Variants in TNNI3K observed in about 807,000 individuals in gnomAD.
TNNI3K encodes the protein serine/threonine-protein kinase TNNI3K.
Under a neutral mutation model 114.5 loss-of-function variants are expected in TNNI3K, and 140 were observed. That is an observed-to-expected ratio of 1.22 (90% confidence interval 1.07 to 1.41). TNNI3K has a LOEUF of 1.41. TNNI3K is among the 40% of genes most tolerant of loss of function. The pLI is 0.00. For synonymous variants in TNNI3K, 347 were observed against 347.5 expected (o/e 1.00, Z 0.02); for missense variants, 1,125 against 1,007.6 (o/e 1.12, Z -1.58).
At chr1:74,492,635 A>C (rs1415367090) in intron 23 of TNNI3K, among the ~76,000 whole-genome samples, 2 of 152,196 alleles carry the variant, frequency 1.3e-5, no homozygotes, top group East Asian at 3.9e-4. Context: ...GCGTTCTAAG[A>C]ATTACCATAT....
At chr1:74,475,474 A>C in intron 21 of TNNI3K, 1 of 716,998 alleles carries the variant, frequency 1.4e-6, no homozygotes, top group Non-Finnish European at 2.6e-6. Context: ...ATCCTGGCAA[A>C]ATAAAGTGCT....
At chr1:74,354,671 T>C (rs1231296274) in intron 11 of TNNI3K, among the ~76,000 whole-genome samples, 4 of 152,182 alleles carry the variant, frequency 2.6e-5, no homozygotes, top group Admixed American at 1.3e-4. Flanking sequence ...AACAACTGGG[T>C]TTAAATCAAG....
intron 23 of TNNI3K, among the ~76,000 whole-genome samples, chr1:74,505,770 T>A (rs1201240315): frequency 6.6e-6 from 1 of 152,052 alleles, no homozygotes; most frequent in African/African-American, 2.4e-5. Context: ...ACTAACGAAA[T>A]CTGAAAAAAT....
chr1:74,495,855 A>G (rs274606), intron 23 of TNNI3K, among the ~76,000 whole-genome samples: 102,059 of 152,068 alleles, frequency 0.67, 35,835 homozygotes, highest in African/African-American at 0.88. Context: ...AATAACTTCG[A>G]CTATTTCTCC....
chr1:74,435,490 G>A (rs534548783), intron 17 of TNNI3K, among the ~76,000 whole-genome samples: 4 of 151,984 alleles, frequency 2.6e-5, no homozygotes, highest in Admixed American at 2.6e-4. Context: ...ATTCTTGGTT[G>A]AAGGGGGACT....
chr1:74,488,854 T>C (rs1156385529), intron 21 of TNNI3K, among the ~76,000 whole-genome samples: 1 of 152,224 alleles, frequency 6.6e-6, no homozygotes, highest in East Asian at 1.9e-4. Flanking sequence ...ACTGAGATAG[T>C]TAATAGTTTT....
chr1:74,445,737 A>G (rs1375909251), intron 20 of TNNI3K, among the ~76,000 whole-genome samples: 1 of 150,018 alleles, frequency 6.7e-6, no homozygotes, highest in African/African-American at 2.5e-5. Flanking sequence ...CAGCCTCCCA[A>G]GTAGCTGGGA....
intron 23 of TNNI3K, among the ~76,000 whole-genome samples, chr1:74,531,658 A>G (rs1265835757): frequency 6.6e-6 from 1 of 152,218 alleles, no homozygotes; most frequent in African/African-American, 2.4e-5. Context: ...TAGGCATTTC[A>G]GCAAGCTGTT....
chr1:74,280,300 C>T (rs1343563318), intron 5 of TNNI3K, among the ~76,000 whole-genome samples: 3 of 151,676 alleles, frequency 2.0e-5, no homozygotes, highest in African/African-American at 7.3e-5. Context: ...GAGAATGGTG[C>T]GAACCTGGGA....
intron 23 of TNNI3K, among the ~76,000 whole-genome samples, chr1:74,533,318 C>T (rs1305572592): frequency 3.9e-5 from 6 of 152,114 alleles, no homozygotes; most frequent in African/African-American, 9.7e-5. Context: ...AAAATGCTCA[C>T]CATCACTGGC....
At chr1:74,239,846 C>A in intron 2 of TNNI3K, 1 of 431,856 alleles carries the variant, frequency 2.3e-6, no homozygotes, top group Non-Finnish European at 4.8e-6. Context: ...CAATTTATAG[C>A]AGCTTTGGAA....
At chr1:74,396,410 G>A (rs2100580561) in intron 17 of TNNI3K, among the ~76,000 whole-genome samples, 1 of 152,314 alleles carries the variant, frequency 6.6e-6, no homozygotes, top group East Asian at 1.9e-4. Flanking sequence ...AAAAAGTACT[G>A]AGGTTAGGAA....
chr1:74,470,063 C>T (rs1002945706), intron 21 of TNNI3K: 5 of 400,652 alleles, frequency 1.2e-5, no homozygotes, highest in East Asian at 1.1e-4. Flanking sequence ...ACTGTCATTG[C>T]GCCTTCTTTA....
chr1:74,251,884 C>G (rs552290510), intron 4 of TNNI3K, among the ~76,000 whole-genome samples: 1 of 152,266 alleles, frequency 6.6e-6, no homozygotes, highest in South Asian at 2.1e-4. Flanking sequence ...CTTCTAATTC[C>G]TTCTGGGAGA....
intron 21 of TNNI3K, among the ~76,000 whole-genome samples, chr1:74,488,444 G>A (rs1482047211): frequency 1.3e-5 from 2 of 152,172 alleles, no homozygotes; most frequent in African/African-American, 4.8e-5. Context: ...CCTCCTGGCA[G>A]TGAAAGTTTC....
chr1:74,491,042 G>T lies in TNNI3K; in HGVS notation c.2182-1055G>T, dbSNP rs148872114. Among the ~76,000 whole-genome samples, 13 of 152,200 alleles carry T rather than the reference G, an allele frequency of 8.5e-5. No homozygotes were observed. In the East Asian group the frequency reaches 2.5e-3, roughly 29 times the overall value. On this transcript the variant is annotated intron_variant, in intron 22 of 24. Transcript: ENST00000326637. The stretch of plus-strand genomic sequence containing the variant: ...TAGTCTTGTTCTGAAATGGCAAAGT[G>T]GTATCCAGTTGTGTCTGTGAGCCTT...
intron 15 of TNNI3K, 37 bp from the exon 16 acceptor site, chr1:74,369,354 C>G: frequency 6.2e-7 from 1 of 1,606,716 alleles, no homozygotes; most frequent in South Asian, 1.1e-5. Context: ...TTGGATCCAT[C>G]TGTTTACTGA....
At chr1:74,502,029 C>G (rs1021645739) in intron 23 of TNNI3K, among the ~76,000 whole-genome samples, 1 of 152,074 alleles carries the variant, frequency 6.6e-6, no homozygotes, top group Admixed American at 6.5e-5. Context: ...TGGCTTTATA[C>G]AGGTGTTTCT....
At chr1:74,518,210 G>A (rs1167992739) in intron 23 of TNNI3K, among the ~76,000 whole-genome samples, 1 of 151,954 alleles carries the variant, frequency 6.6e-6, no homozygotes, top group Non-Finnish European at 1.5e-5. Context: ...GATCAATGGA[G>A]GAAAAAAGAG....
Sources: gnomAD v4.1 joint callset for allele counts (sites outside exome capture counted in the v4.1 genomes callset) on GRCh38, gnomAD v4.1.1 for gene constraint, MANE v1.5 for transcripts, NCBI Gene and HGNC (gene_info 2026-07-23, HGNC 2026-07-21) for gene names.